Variants in GPAT4 observed in about 807,000 individuals in gnomAD.
The protein encoded by GPAT4 is glycerol-3-phosphate acyltransferase 4.
A neutral mutation model predicts 58.0 loss-of-function variants in GPAT4; 17 were observed. The observed-to-expected ratio is 0.29, with a 90% CI of 0.20 to 0.44. GPAT4 has a LOEUF of 0.44. Ranked by LOEUF, GPAT4 falls within the 20% of genes least tolerant of loss-of-function variation. GPAT4 has a pLI of 1.00. For missense variants in GPAT4, 377 were observed against 574.5 expected (o/e 0.66, Z 3.51); for synonymous variants, 204 against 210.1 (o/e 0.97, Z 0.25).
Position 41,611,942 on chromosome 8 carries a change from T to C in GPAT4, c.651T>C (p.Cys217=). Residue 217 remains cysteine (C), a synonymous_variant, in exon 6 of 13, where the codon TGT becomes TGC. Coordinates refer to ENST00000396987, the MANE Select transcript of GPAT4 (RefSeq NM_178819.4). The stretch of plus-strand genomic sequence containing the variant: ...TGAGTAAACATGTTCACTTAATGTG[T>C]TACCGGATCTGCGTGCGAGCGCTGA... ...EFMSKHVHLM[C]YRICVRALTA... is the part of the protein sequence containing the mutation. 6.2e-7 allele frequency: 1 copy of C among 1,614,228 alleles called. No individual in the cohort carries two copies. Among genetic ancestry groups the C allele is most frequent in the East Asian group, 2.2e-5 (1 of 44,882 alleles).
At chr8:41,603,974 CCAGA>C (rs1468278287) in intron 2 of GPAT4, among the ~76,000 whole-genome samples, 11 of 151,510 alleles carry the variant, frequency 7.3e-5, no homozygotes, top group Middle Eastern at 3.5e-3. Flanking sequence ...AATAAGATAG[CCAGA>C]CAGACATTAG....
At chr8:41,612,759 T>C in intron 7 of GPAT4, 86 bp from the exon 8 acceptor site, 1 of 1,231,180 alleles carries the variant, frequency 8.1e-7, no homozygotes, top group Non-Finnish European at 1.1e-6. Context: ...TTGGACTGCT[T>C]ATTTTGTGAG....
rs749715016 is a variant in GPAT4 at position 41,614,393 on chromosome 8, G to A, written c.919G>A (p.Glu307Lys). ...DRHLVAKRLT[E>K]HVQDKSKLPI... ...TATTTTCTTCTTTGAAAGACTGACT[G>A]AACATGTGCAAGATAAAAGCAAGCT... Residue 307 changes from glutamate to lysine, a missense_variant, in exon 9 of 13, where the codon GAA (glutamate) becomes AAA (lysine). By Grantham distance (56) the Glu-to-Lys change is moderately conservative. Coordinates refer to ENST00000396987, the MANE Select transcript of GPAT4 (RefSeq NM_178819.4). The A allele has an allele frequency of 6.2e-7, 1 of 1,613,856 alleles. No individual in the cohort carries two copies. Among genetic ancestry groups the A allele is most frequent in the Non-Finnish European group, 8.5e-7 (1 of 1,179,940 alleles).
chr8:41,590,844 C>T (rs1401198087), intron 1 of GPAT4, among the ~76,000 whole-genome samples: 1 of 152,216 alleles, frequency 6.6e-6, no homozygotes, highest in Non-Finnish European at 1.5e-5. Context: ...CTACCTCTCT[C>T]AGCTTCCTGA....
At position 41,622,501 on chromosome 8, in the gene GPAT4, C is replaced by G. The variant is rs1356062097; in HGVS notation, c.*1500C>G. Reference sequence around the variant, plus strand: ...AGCTCCCCATTCATGCCCCACCAGCCCTCACTTGGGACCCATGCTCCCTCG... The same window carrying G: ...AGCTCCCCATTCATGCCCCACCAGCGCTCACTTGGGACCCATGCTCCCTCG... On this transcript the variant is annotated 3_prime_UTR_variant, in exon 13 of 13. Coordinates refer to ENST00000396987, the MANE Select transcript of GPAT4 (RefSeq NM_178819.4). The G allele has an allele frequency of 6.6e-6, 1 of 152,386 alleles. No homozygotes were observed. The highest frequency in any genetic ancestry group is 1.5e-5 in the Non-Finnish European group (1 of 68,122). The allele number at this position is 152,386 out of a possible 1,614,324, so 9.4% of individuals were successfully genotyped here.
In GPAT4 at chr8:41,624,926, A is replaced by G. The variant is rs1803872511; in HGVS notation, c.*3925A>G. ...GTCTCCCAGCACCACCCAGTAACACATCATTTCAGTACCTGCTATTAATGG... is the reference window on the plus strand; with the variant it reads ...GTCTCCCAGCACCACCCAGTAACACGTCATTTCAGTACCTGCTATTAATGG... On this transcript the variant is annotated 3_prime_UTR_variant, in exon 13 of 13. Transcript: ENST00000396987. 1 of 152,212 alleles carries G rather than the reference A, an allele frequency of 6.6e-6. No individual in the cohort carries two copies. The highest frequency in any genetic ancestry group is 6.5e-5 in the Admixed American group (1 of 15,278). The allele number at this position is 152,212 out of a possible 1,614,324, so 9.4% of individuals were successfully genotyped here.
intron 1 of GPAT4, among the ~76,000 whole-genome samples, chr8:41,580,009 G>A (rs1347844439): frequency 6.6e-6 from 1 of 152,130 alleles, no homozygotes; most frequent in African/African-American, 2.4e-5. Flanking sequence ...TCGAGGCTGC[G>A]GTTCCACTGA....
At chr8:41,612,056 T>C in intron 6 of GPAT4, 64 bp downstream of exon 6, 2 of 1,597,394 alleles carry the variant, frequency 1.3e-6, no homozygotes, top group Non-Finnish European at 1.7e-6. Context: ...CCACCTATAC[T>C]TAGCCAAATG....
chr8:41,610,456 C>T (rs1026491299), intron 4 of GPAT4: 16 of 1,304,012 alleles, frequency 1.2e-5, no homozygotes, highest in Non-Finnish European at 1.5e-5. Context: ...AGCCCTGTGG[C>T]AGAATGGCCA....
chr8:41,624,874 C>A lies in GPAT4; in HGVS notation c.*3873C>A, dbSNP rs1170215708. 1 of 152,168 alleles carries A rather than the reference C, an allele frequency of 6.6e-6. No homozygotes were observed. Among genetic ancestry groups the A allele is most frequent in the African/African-American group, 2.4e-5 (1 of 41,430 alleles). The allele number at this position is 152,168 out of a possible 1,614,324, so 9.4% of individuals were successfully genotyped here. On this transcript the variant is annotated 3_prime_UTR_variant, in exon 13 of 13. Coordinates refer to ENST00000396987, the MANE Select transcript of GPAT4 (RefSeq NM_178819.4). ...GGTGGGCTTCTCATATGCATTCTGG[C>A]CGGCCAGCTGCATTGATTTCCTATT...
At chr8:41,611,087 ACG>A (rs1803429435) in intron 5 of GPAT4, among the ~76,000 whole-genome samples, 3 of 152,010 alleles carry the variant, frequency 2.0e-5, no homozygotes, top group Non-Finnish European at 4.4e-5. Flanking sequence ...TTAGCCAGGC[ACG>A]GTGGCGGGTG....
intron 1 of GPAT4, among the ~76,000 whole-genome samples, chr8:41,582,684 T>TGTGTGTGTGTGTGTGTG (rs773260607): frequency 1.6e-4 from 24 of 148,296 alleles, no homozygotes; most frequent in South Asian, 1.3e-3. Context: ...AGTGTGTGTG[T>TGTGTGTGTGTGTGTGTG]GTGTGTGTGT....
chr8:41,581,071 C>T (rs185691790), intron 1 of GPAT4, among the ~76,000 whole-genome samples: 4 of 152,336 alleles, frequency 2.6e-5, no homozygotes, highest in Admixed American at 1.3e-4. Flanking sequence ...CTCATTATGA[C>T]GTGTCTTTTA....
chr8:41,619,561 G>A (rs1404287082), intron 12 of GPAT4, among the ~76,000 whole-genome samples: 4 of 152,172 alleles, frequency 2.6e-5, no homozygotes, highest in Non-Finnish European at 1.5e-5. Flanking sequence ...ACAAAAACAG[G>A]TATCAGCTGG....
chr8:41,615,159 T>A, intron 10 of GPAT4, 111 bp downstream of exon 10: 1 of 953,602 alleles, frequency 1.0e-6, no homozygotes. Flanking sequence ...GTCGATGCCC[T>A]CAGCAGAGTG....
At chr8:41,580,783 A>G (rs1294796690) in intron 1 of GPAT4, among the ~76,000 whole-genome samples, 1 of 152,172 alleles carries the variant, frequency 6.6e-6, no homozygotes, top group African/African-American at 2.4e-5. Context: ...GTCATGGTAA[A>G]TCATTACCCC....
Position 41,612,229 on chromosome 8 carries a change from C to T in GPAT4, c.751C>T (p.Pro251Ser). The T allele has an allele frequency of 6.2e-7, 1 of 1,614,272 alleles. No homozygotes were observed. Among genetic ancestry groups the T allele is most frequent in the Non-Finnish European group, 8.5e-7 (1 of 1,180,056 alleles). Residue 251 changes from proline to serine, a missense_variant, in exon 7 of 13, where the codon CCG becomes TCG. Transcript: ENST00000396987. ...CATCTGTGTGGCCAATCATACCTCA[C>T]CGATCGATGTGATCATCTTGGCCAG... ...GGICVANHTS[P>S]IDVIILASDG...
In GPAT4 at chr8:41,622,145, G is replaced by C. The variant is rs1163335098; in HGVS notation, c.*1144G>C. On this transcript the variant is annotated 3_prime_UTR_variant, in exon 13 of 13. Transcript: ENST00000396987. ...ACAGACGTGGATTTCTCCAGAGACG[G>C]GGTGTGTGCGGGTCGCTGATGTGAG... is the stretch of plus-strand genomic sequence containing the variant. The C allele has an allele frequency of 1.3e-5, 2 of 152,236 alleles. No homozygotes were observed. Among genetic ancestry groups the C allele is most frequent in the African/African-American group, 2.4e-5 (1 of 41,526 alleles). The allele number at this position is 152,236 out of a possible 1,614,324, so 9.4% of individuals were successfully genotyped here.
chr8:41,592,011 G>A (rs1380537141), intron 1 of GPAT4, among the ~76,000 whole-genome samples: 3 of 152,220 alleles, frequency 2.0e-5, no homozygotes, highest in Non-Finnish European at 4.4e-5. Context: ...GTAAATGGCA[G>A]TCCAGTATCC....
Sources: gnomAD v4.1 joint callset for allele counts (sites outside exome capture counted in the v4.1 genomes callset) on GRCh38, gnomAD v4.1.1 for gene constraint, MANE v1.5 for transcripts, NCBI Gene and HGNC (gene_info 2026-07-23, HGNC 2026-07-21) for gene names.